The following SLC35D4 variants were observed in gnomAD, a reference collection of about 807,000 sequenced individuals.
The protein encoded by SLC35D4 is solute carrier family 35 member D4.
At chr18:23,268,681 A>T in the SLC35D4 span, among the ~76,000 whole-genome samples, 2 of 152,096 alleles carry the variant, frequency 1.3e-5, 1 homozygote, top group Non-Finnish European at 2.9e-5. Flanking sequence ...CAGGACTAGG[A>T]TGGGACTAGA....
At chr18:23,378,715 A>G in the SLC35D4 span, among the ~76,000 whole-genome samples, 1 of 152,298 alleles carries the variant, frequency 6.6e-6, no homozygotes, top group East Asian at 1.9e-4. Context: ...GTACAATTAA[A>G]CTTTTGATTA....
the SLC35D4 span, among the ~76,000 whole-genome samples, chr18:23,347,714 C>T: frequency 5.9e-3 from 904 of 152,314 alleles, 3 homozygotes; most frequent in African/African-American, 0.02. Context: ...CATGAGCCAC[C>T]ATGCCTGGCC....
the SLC35D4 span, among the ~76,000 whole-genome samples, chr18:23,270,569 C>A: frequency 6.6e-6 from 1 of 152,198 alleles, no homozygotes; most frequent in African/African-American, 2.4e-5. Context: ...GGAAAAACTG[C>A]AGACAATGCC....
At chr18:23,350,614 T>C in the SLC35D4 span, among the ~76,000 whole-genome samples, 1 of 152,122 alleles carries the variant, frequency 6.6e-6, no homozygotes, top group Non-Finnish European at 1.5e-5. Flanking sequence ...CTCTCAGAAC[T>C]ACCTATTAAG....
At chr18:23,261,595 G>A in the SLC35D4 span, among the ~76,000 whole-genome samples, 1 of 152,126 alleles carries the variant, frequency 6.6e-6, no homozygotes, top group African/African-American at 2.4e-5. Context: ...CAGCCTGGGT[G>A]AAGGGAGCAA....
At chr18:23,238,862 A>G in the SLC35D4 span, among the ~76,000 whole-genome samples, 716 of 152,332 alleles carry the variant, frequency 4.7e-3, 6 homozygotes, top group Non-Finnish European at 6.3e-3. Context: ...CACATTCCTC[A>G]GCAGTCAGCC....
chr18:23,354,272 C>T, the SLC35D4 span, among the ~76,000 whole-genome samples: 9 of 140,028 alleles, frequency 6.4e-5, no homozygotes, highest in East Asian at 4.3e-4. Context: ...GAGGCCGAGG[C>T]GGGCGGATCA....
At chr18:23,405,331 G>C in the SLC35D4 span, among the ~76,000 whole-genome samples, 1 of 152,240 alleles carries the variant, frequency 6.6e-6, no homozygotes, top group African/African-American at 2.4e-5. Context: ...GGGGTTACAG[G>C]TGCCCACTAC....
chr18:23,365,097 C>T, the SLC35D4 span, among the ~76,000 whole-genome samples: 1 of 151,896 alleles, frequency 6.6e-6, no homozygotes, highest in Non-Finnish European at 1.5e-5. Context: ...TATTTACCTG[C>T]TAGTATTTTA....
chr18:23,245,130 C>G, the SLC35D4 span, among the ~76,000 whole-genome samples: 3 of 152,156 alleles, frequency 2.0e-5, no homozygotes, highest in Non-Finnish European at 4.4e-5. Flanking sequence ...GCATTGTTAC[C>G]GTGGGCCAGG....
the SLC35D4 span, among the ~76,000 whole-genome samples, chr18:23,287,910 C>T: frequency 5.9e-5 from 9 of 152,236 alleles, no homozygotes; most frequent in African/African-American, 1.7e-4. Context: ...CTCCATGCAG[C>T]GGCTGCTGCC....
chr18:23,350,392 C>T, the SLC35D4 span, among the ~76,000 whole-genome samples: 6 of 152,292 alleles, frequency 3.9e-5, no homozygotes, highest in Non-Finnish European at 5.9e-5. Flanking sequence ...ACTCTGTGTG[C>T]GGGCTGGGAG....
At chr18:23,359,286 G>A in the SLC35D4 span, among the ~76,000 whole-genome samples, 20 of 151,538 alleles carry the variant, frequency 1.3e-4, no homozygotes, top group African/African-American at 4.9e-4. Context: ...TCAGGAGGCT[G>A]AGGCAGAGAA....
the SLC35D4 span, among the ~76,000 whole-genome samples, chr18:23,247,241 C>T: frequency 2.6e-5 from 4 of 152,202 alleles, no homozygotes; most frequent in Non-Finnish European, 4.4e-5. Flanking sequence ...CAGGATGTGC[C>T]GGAGAATCAT....
the SLC35D4 span, among the ~76,000 whole-genome samples, chr18:23,311,880 T>C: frequency 3.9e-5 from 6 of 152,298 alleles, no homozygotes; most frequent in South Asian, 6.2e-4. Flanking sequence ...TTGTTAGTCA[T>C]TCTTTCCTTT....
the SLC35D4 span, among the ~76,000 whole-genome samples, chr18:23,394,293 T>G: frequency 1.2e-4 from 18 of 152,212 alleles, no homozygotes; most frequent in Admixed American, 6.5e-4. Flanking sequence ...TGATTTGCAT[T>G]TTTCTAATGA....
the SLC35D4 span, chr18:23,399,659 G>T: frequency 1.2e-6 from 2 of 1,612,894 alleles, no homozygotes; most frequent in South Asian, 2.2e-5. Flanking sequence ...TGAAAAGAGG[G>T]GAAAAAAGCA....
At chr18:23,278,138 CT>C in the SLC35D4 span, among the ~76,000 whole-genome samples, 1 of 152,170 alleles carries the variant, frequency 6.6e-6, no homozygotes, top group African/African-American at 2.4e-5. Context: ...ATTTCCTACT[CT>C]CTTCTTGGGA....
chr18:23,310,813 T>C, the SLC35D4 span, among the ~76,000 whole-genome samples: 1 of 152,178 alleles, frequency 6.6e-6, no homozygotes, highest in African/African-American at 2.4e-5. Flanking sequence ...TGATAGGATA[T>C]AAACATGGTG....
Sources: gnomAD v4.1 joint callset for allele counts (sites outside exome capture counted in the v4.1 genomes callset) on GRCh38, gnomAD v4.1.1 for gene constraint, MANE v1.5 for transcripts, NCBI Gene and HGNC (gene_info 2026-07-23, HGNC 2026-07-21) for gene names.